Variants in DPP8 observed in about 807,000 individuals in gnomAD.
The protein encoded by DPP8 is dipeptidyl peptidase 8.
DPP8 carries 31 observed loss-of-function variants against 107.5 expected under a neutral mutation model. That is an observed-to-expected ratio of 0.29 (90% confidence interval 0.22 to 0.39). The LOEUF (loss-of-function observed/expected upper bound fraction) is 0.39, where lower values mean the gene tolerates loss of function less well. Among genes scored for constraint, DPP8 ranks in the 10% least tolerant of loss-of-function variants. The probability of loss-of-function intolerance (pLI) is 1.00; values close to 1 mark genes in which losing one functional copy is unlikely to be tolerated. For missense variants in DPP8, 842 were observed against 1,076.1 expected (o/e 0.78, Z 3.04); for synonymous variants, 381 against 356.6 (o/e 1.07, Z -0.77).
At chr15:65,454,452 G>A in intron 16 of DPP8, 37 bp from the exon 17 acceptor site, 1 of 1,555,164 alleles carries the variant, frequency 6.4e-7, no homozygotes. Context: ...TGATTCTGAT[G>A]AATAAAAGTC....
rs2065392885 is a variant in DPP8 at position 65,466,728 on chromosome 15, T to C, written c.1775A>G (p.Asp592Gly). 1.2e-6 allele frequency: 2 copies of C among 1,614,054 alleles called. No homozygotes were observed. Among genetic ancestry groups the C allele is most frequent in the Non-Finnish European group, 1.7e-6 (2 of 1,179,952 alleles). ...SLYKLSSPED[D>G]PTCKTKEFWA... ...AAATTCCTTTGTTTTGCAAGTTGGG[T>C]CATCTTCAGGACTTGATAGCTTGTA... Residue 592 changes from aspartate to glycine, a missense_variant, in exon 14 of 20, where the codon GAC (aspartate) becomes GGC (glycine). Physicochemically the swap from Asp to Gly is moderately conservative, Grantham distance 94. Coordinates refer to ENST00000300141, the MANE Select transcript of DPP8 (RefSeq NM_130434.5).
intron 11 of DPP8, among the ~76,000 whole-genome samples, chr15:65,477,303 G>A (rs901694476): frequency 2.6e-5 from 4 of 152,038 alleles, no homozygotes; most frequent in African/African-American, 9.7e-5. Flanking sequence ...GCTGAGGTAG[G>A]AGAATTGCTT....
chr15:65,468,521 T>C (rs1004568440), intron 12 of DPP8, among the ~76,000 whole-genome samples: 1 of 152,086 alleles, frequency 6.6e-6, no homozygotes, highest in Non-Finnish European at 1.5e-5. Flanking sequence ...TCAAATTTTT[T>C]ACACAGCAAT....
intron 8 of DPP8, among the ~76,000 whole-genome samples, chr15:65,483,573 ACTTTT>A (rs928231937): frequency 1.4e-5 from 2 of 147,752 alleles, no homozygotes; most frequent in African/African-American, 2.6e-5. Context: ...CAGGCTGGAG[ACTTTT>A]CTTCAAACAA....
At chr15:65,491,615 T>C (rs2068040239) in intron 5 of DPP8, among the ~76,000 whole-genome samples, 1 of 152,208 alleles carries the variant, frequency 6.6e-6, no homozygotes, top group South Asian at 2.1e-4. Flanking sequence ...TATTGTTACA[T>C]GTGTCAGTAG....
chr15:65,470,605 C>CAAAA (rs3082806), intron 12 of DPP8, among the ~76,000 whole-genome samples: 82 of 104,866 alleles, frequency 7.8e-4, no homozygotes, highest in African/African-American at 1.4e-3. Context: ...AGACTTGTCT[C>CAAAA]AAAAAAAAAA....
intron 3 of DPP8, among the ~76,000 whole-genome samples, chr15:65,501,224 C>A (rs1388866854): frequency 2.6e-5 from 4 of 151,984 alleles, no homozygotes; most frequent in Admixed American, 2.6e-4. Flanking sequence ...GCACAGTCTG[C>A]AGGTTAAGTG....
At position 65,463,870 on chromosome 15, in the gene DPP8, G is replaced by C; in HGVS notation, c.1862C>G (p.Ser621Cys). Reference sequence around the variant, plus strand: ...TGTAAATCCAGTAGTACTTTCAAAAGAGAAAATTTCTGGAGGAGTATAGTC... The same window carrying C: ...TGTAAATCCAGTAGTACTTTCAAAACAGAAAATTTCTGGAGGAGTATAGTC... Reference protein sequence around the residue: ...LPDYTPPEIFSFESTTGFTLY... With the variant: ...LPDYTPPEIFCFESTTGFTLY... The change falls in exon 15 of 20, where the codon TCT becomes TGT. Residue 621 changes from serine to cysteine, a missense_variant. Ser to Cys is a moderately radical substitution (Grantham distance 112). Around this residue, in one of 2 missense-constraint regions of DPP8, gnomAD observed 663 missense variants for 758.0 expected, o/e 0.87. Coordinates refer to ENST00000300141, the MANE Select transcript of DPP8 (RefSeq NM_130434.5). The C allele has an allele frequency of 6.3e-7, 1 of 1,596,066 alleles. No individual in the cohort carries two copies. Among genetic ancestry groups the C allele is most frequent in the South Asian group, 1.1e-5 (1 of 87,726 alleles).
At chr15:65,465,190 CAG>C (rs1168232348) in intron 14 of DPP8, among the ~76,000 whole-genome samples, 2 of 135,986 alleles carry the variant, frequency 1.5e-5, no homozygotes, top group African/African-American at 2.8e-5. Context: ...TTTTTTGAGA[CAG>C]AGTTTCACTC....
chr15:65,504,500 T>A (rs570664640), intron 3 of DPP8, among the ~76,000 whole-genome samples: 1 of 150,642 alleles, frequency 6.6e-6, no homozygotes, highest in African/African-American at 2.4e-5. Flanking sequence ...TGAAACCCTG[T>A]CTCTACTAAA....
At chr15:65,493,378 G>A (rs1005502558) in intron 5 of DPP8, among the ~76,000 whole-genome samples, 10 of 152,234 alleles carry the variant, frequency 6.6e-5, no homozygotes, top group East Asian at 1.9e-4. Context: ...CACCGTGCCC[G>A]GCCAAGATTT....
intron 8 of DPP8, among the ~76,000 whole-genome samples, chr15:65,482,407 G>A (rs1471243910): frequency 1.3e-5 from 2 of 151,824 alleles, no homozygotes; most frequent in African/African-American, 2.4e-5. Context: ...TCAGCCTCCC[G>A]AGTAGCTGGG....
chr15:65,465,701 G>A (rs1239608762), intron 14 of DPP8, among the ~76,000 whole-genome samples: 1 of 150,630 alleles, frequency 6.6e-6, no homozygotes, highest in Admixed American at 6.6e-5. Context: ...GACTACAGGC[G>A]TGTACCACCA....
intron 4 of DPP8, among the ~76,000 whole-genome samples, chr15:65,499,289 A>C (rs897308363): frequency 1.3e-5 from 2 of 151,064 alleles, no homozygotes; most frequent in Non-Finnish European, 2.9e-5. Context: ...AGGACAGTAG[A>C]GCGATCTCAG....
chr15:65,486,400 C>CAAAAAA (rs2067443740), intron 7 of DPP8, among the ~76,000 whole-genome samples: 1 of 149,698 alleles, frequency 6.7e-6, no homozygotes, highest in Non-Finnish European at 1.5e-5. Flanking sequence ...AAAAAAAAAA[C>CAAAAAA]AAAAACAAAA....
intron 2 of DPP8, among the ~76,000 whole-genome samples, chr15:65,508,462 G>C (rs1028293320): frequency 6.6e-6 from 1 of 152,160 alleles, no homozygotes; most frequent in African/African-American, 2.4e-5. Context: ...CAGCAGTGTA[G>C]AGTGAGTTAC....
chr15:65,455,940 A>G, intron 16 of DPP8: 1 of 1,024,952 alleles, frequency 9.8e-7, no homozygotes, highest in Non-Finnish European at 1.3e-6. Context: ...TCAACTGTGT[A>G]CAGGATGCTG....
At chr15:65,503,437 T>A (rs914727990) in intron 3 of DPP8, among the ~76,000 whole-genome samples, 2 of 151,076 alleles carry the variant, frequency 1.3e-5, no homozygotes, top group African/African-American at 2.4e-5. Context: ...ATTACTTTTT[T>A]CTTTCTTTTC....
rs1221326845 is a variant in DPP8, at chr15:65,497,776, C to T, written c.715+88G>A. Reference sequence around the variant, plus strand: ...AATTTCAAATATAAAGATCACCCAACGTGGTAATCTAATTTCAAAATGCAA... The same window carrying T: ...AATTTCAAATATAAAGATCACCCAATGTGGTAATCTAATTTCAAAATGCAA... On this transcript the variant is annotated intron_variant, in intron 5 of 19. Coordinates refer to ENST00000300141, the MANE Select transcript of DPP8 (RefSeq NM_130434.5). The T allele has an allele frequency of 2.1e-5, 21 of 1,022,258 alleles. No individual in the cohort carries two copies. In the Admixed American group the frequency reaches 3.4e-4, roughly 16 times the overall value. 63.3% of individuals were successfully genotyped at this position (1,022,258 alleles called of 1,614,324 possible).
Sources: gnomAD v4.1 joint callset for allele counts (sites outside exome capture counted in the v4.1 genomes callset) on GRCh38, gnomAD v4.1.1 for gene constraint, gnomAD v4.1.1 regional missense constraint, MANE v1.5 for transcripts, NCBI Gene and HGNC (gene_info 2026-07-23, HGNC 2026-07-21) for gene names.